FAM193A: variants seen among roughly 807,000 people sequenced by gnomAD.
FAM193A encodes family with sequence similarity 193 member A.
A neutral mutation model predicts 126.5 loss-of-function variants in FAM193A; 22 were observed. The ratio of observed to expected loss-of-function variants is 0.17; its 90% CI spans 0.12 to 0.25. The LOEUF is 0.25. FAM193A is among the 10% of genes least tolerant of loss of function. FAM193A has a pLI of 1.00. For synonymous variants in FAM193A, 761 were observed against 646.8 expected, an observed-to-expected ratio of 1.18 and a Z score of -2.68; for missense variants, 1,675 against 1,672.8, an observed-to-expected ratio of 1.00 and a Z score of -0.02.
intron 5 of FAM193A, among the ~76,000 whole-genome samples, chr4:2,637,511 G>T (rs919754896): frequency 1.3e-5 from 2 of 152,204 alleles, no homozygotes; most frequent in African/African-American, 4.8e-5. Flanking sequence ...TCAGTCTATT[G>T]TAGGAACTAC....
At chr4:2,619,469 T>C (rs1392719132) in intron 2 of FAM193A, among the ~76,000 whole-genome samples, 1 of 151,690 alleles carries the variant, frequency 6.6e-6, no homozygotes, top group Non-Finnish European at 1.5e-5. Flanking sequence ...TGCTAATTTT[T>C]GTATTTTTGT....
At chr4:2,731,227 G>T (rs970217867) in intron 20 of FAM193A, among the ~76,000 whole-genome samples, 2 of 129,968 alleles carry the variant, frequency 1.5e-5, no homozygotes, top group African/African-American at 5.7e-5. Context: ...AAAAAAAACC[G>T]GTGTGGTGGT....
Position 2,719,956 on chromosome 4 carries a change from A to T in FAM193A, c.4454+3852A>T, listed in dbSNP as rs759727599. 1.8e-3 allele frequency: 526 copies of T among 290,784 alleles called. 2 individuals are homozygous for T. Among genetic ancestry groups the T allele is most frequent in the African/African-American group, 0.01 (428 of 42,764 alleles). 18.0% of individuals were successfully genotyped at this position (290,784 alleles called of 1,614,324 possible). On this transcript the variant is annotated intron_variant, in intron 20 of 20. Coordinates refer to ENST00000637812, the MANE Select transcript of FAM193A (RefSeq NM_001366318.2). ...CAGGCACATGCACCATGCCTGGCTAATTTTTTTTTTCTTCTTTTTGTAGAG... is the reference window on the plus strand; with the variant it reads ...CAGGCACATGCACCATGCCTGGCTATTTTTTTTTTTCTTCTTTTTGTAGAG...
At chr4:2,692,845 A>G (rs1716554085) in intron 15 of FAM193A, among the ~76,000 whole-genome samples, 1 of 150,400 alleles carries the variant, frequency 6.6e-6, no homozygotes, top group Non-Finnish European at 1.5e-5. Context: ...ATGTCAAAAA[A>G]AGAGAGAGGG....
At chr4:2,607,186 G>A (rs971575849) in intron 2 of FAM193A, among the ~76,000 whole-genome samples, 4 of 152,188 alleles carry the variant, frequency 2.6e-5, no homozygotes, top group African/African-American at 9.7e-5. Flanking sequence ...GTGCTCAGGG[G>A]TTGAGATTTA....
intron 1 of FAM193A, among the ~76,000 whole-genome samples, chr4:2,549,111 G>T (rs1737748994): frequency 6.6e-6 from 1 of 150,894 alleles, no homozygotes; most frequent in African/African-American, 2.4e-5. Flanking sequence ...GCTAATTTTT[G>T]TATATTTAGT....
At chr4:2,618,782 A>G (rs1742362601) in intron 2 of FAM193A, among the ~76,000 whole-genome samples, 1 of 151,936 alleles carries the variant, frequency 6.6e-6, no homozygotes. Flanking sequence ...TTTAGAAGGG[A>G]CAAGGTTGCT....
rs543289377 is a variant in FAM193A, at chr4:2,723,118, A to T, written c.4454+7014A>T. On this transcript the variant is annotated intron_variant, in intron 20 of 20. Transcript: ENST00000637812. ...GAAACCCCACCTCTACTAAAAATAC[A>T]AAAAAATTAGCCGGGTGTGGTGGCA... 4.6e-5 allele frequency among the ~76,000 whole-genome samples: 7 copies of T among 152,158 alleles called. No homozygotes were observed. The East Asian group carries it at 1.4e-3, about 29-fold the overall frequency.
At chr4:2,708,702 A>T (rs1311191972) in intron 19 of FAM193A, among the ~76,000 whole-genome samples, 1 of 152,002 alleles carries the variant, frequency 6.6e-6, no homozygotes, top group Non-Finnish European at 1.5e-5. Context: ...ACCTCAAGTG[A>T]TCTGCCCTCC....
intron 8 of FAM193A, among the ~76,000 whole-genome samples, chr4:2,659,303 T>A (rs1712105042): frequency 6.6e-6 from 1 of 152,114 alleles, no homozygotes; most frequent in Admixed American, 6.6e-5. Flanking sequence ...GCATCAGGTG[T>A]GTGCTGTGAG....
intron 7 of FAM193A, among the ~76,000 whole-genome samples, chr4:2,647,654 G>C (rs1017057515): frequency 6.6e-6 from 1 of 152,208 alleles, no homozygotes; most frequent in Non-Finnish European, 1.5e-5. Context: ...GTCAGACAGA[G>C]CAGGGCTTTG....
intron 7 of FAM193A, chr4:2,655,183 C>T (rs771376161): frequency 1.6e-6 from 1 of 630,226 alleles, no homozygotes; most frequent in Non-Finnish European, 2.9e-6. Flanking sequence ...TTGATACTTT[C>T]TAGCAAATTA....
chr4:2,685,895 A>G (rs376802926), intron 13 of FAM193A, among the ~76,000 whole-genome samples: 1 of 152,228 alleles, frequency 6.6e-6, no homozygotes, highest in Non-Finnish European at 1.5e-5. Flanking sequence ...TTCCTTTTCT[A>G]TGGATTACTT....
At chr4:2,669,533 C>T (rs575263728) in intron 12 of FAM193A, among the ~76,000 whole-genome samples, 128 of 152,228 alleles carry the variant, frequency 8.4e-4, no homozygotes, top group African/African-American at 2.6e-3. Context: ...TGCTTGAACC[C>T]GGGAGGCAGA....
At chr4:2,586,236 C>T (rs1044378886) in intron 1 of FAM193A, among the ~76,000 whole-genome samples, 15 of 143,272 alleles carry the variant, frequency 1.0e-4, no homozygotes, top group Non-Finnish European at 1.6e-4. Flanking sequence ...AGAGCAAAAA[C>T]TCCGTCTCAA....
At chr4:2,699,446 CCACA>C (rs78563573) in intron 18 of FAM193A, among the ~76,000 whole-genome samples, 1,140 of 103,528 alleles carry the variant, frequency 0.011, 68 homozygotes, top group African/African-American at 0.037. Flanking sequence ...ACCCCCCCCC[CCACA>C]CACACACACA....
chr4:2,713,361 G>C (rs1261270844), intron 19 of FAM193A, among the ~76,000 whole-genome samples: 1 of 152,104 alleles, frequency 6.6e-6, no homozygotes, highest in African/African-American at 2.4e-5. Flanking sequence ...AGCTGAGATC[G>C]TGCCACTGCA....
intron 20 of FAM193A, among the ~76,000 whole-genome samples, chr4:2,728,235 C>G (rs1194165630): frequency 7.3e-6 from 1 of 137,528 alleles, no homozygotes; most frequent in Non-Finnish European, 1.5e-5. Flanking sequence ...CACACCCGGC[C>G]CAATTTTTTT....
chr4:2,592,637 G>A (rs535634187), intron 1 of FAM193A, among the ~76,000 whole-genome samples: 2 of 152,332 alleles, frequency 1.3e-5, no homozygotes, highest in South Asian at 4.1e-4. Context: ...TGAAGGCTAG[G>A]ACTTGGAGAG....
Sources: allele counts gnomAD v4.1 joint callset (sites outside exome capture counted in the v4.1 genomes callset), GRCh38; gene constraint gnomAD v4.1.1; transcripts MANE v1.5; gene names NCBI Gene and HGNC (gene_info 2026-07-23, HGNC 2026-07-21).